PTPRD: variants seen among roughly 807,000 people sequenced by gnomAD.
PTPRD encodes the protein protein tyrosine phosphatase receptor type D.
Under a neutral mutation model 214.5 loss-of-function variants are expected in PTPRD, and 34 were observed. The ratio of observed to expected loss-of-function variants is 0.16; its 90% CI spans 0.12 to 0.21. The LOEUF (loss-of-function observed/expected upper bound fraction) is 0.21, where lower values mean the gene tolerates loss of function less well. PTPRD is among the 10% of genes least tolerant of loss of function. The probability of loss-of-function intolerance (pLI) is 1.00; values close to 1 mark genes in which losing one functional copy is unlikely to be tolerated. For synonymous variants in PTPRD, 1,128 were observed against 845.7 expected (o/e 1.33, Z -5.79); for missense variants, 2,545 against 2,398.7 (o/e 1.06, Z -1.27).
chr9:8,341,068 T>A (rs1852002200), intron 41 of PTPRD, 22 bp downstream of exon 41: 4 of 1,563,126 alleles, frequency 2.6e-6, no homozygotes, highest in Non-Finnish European at 2.6e-6. Flanking sequence ...CTTTGGATAG[T>A]CAGGGGAGCA....
At chr9:8,997,658 A>C (rs879555450) in intron 11 of PTPRD, among the ~76,000 whole-genome samples, 1 of 152,092 alleles carries the variant, frequency 6.6e-6, no homozygotes, top group South Asian at 2.1e-4. Flanking sequence ...CAAAGTGTTC[A>C]AGTGAAAGGA....
In PTPRD at chr9:9,852,311, A is replaced by T. The variant is rs774622043; in HGVS notation, c.-367-85460T>A. ...CAGAATTTTGAATAAAAAATTCTGT[A>T]GGCCAAGACATTGAAAAACAATTTT... On this transcript the variant is annotated intron_variant, in intron 5 of 45. Coordinates refer to ENST00000381196, the MANE Select transcript of PTPRD (RefSeq NM_002839.4). Among the ~76,000 whole-genome samples the T allele has an allele frequency of 4.6e-5, 7 of 152,262 alleles. No individual in the cohort carries two copies. In the South Asian group the frequency reaches 6.2e-4, roughly 14 times the overall value.
intron 30 of PTPRD, among the ~76,000 whole-genome samples, chr9:8,480,831 T>A (rs1308416882): frequency 6.6e-6 from 1 of 152,116 alleles, no homozygotes; most frequent in Non-Finnish European, 1.5e-5. Context: ...TCCATTCTCA[T>A]TTTCAGATTT....
intron 11 of PTPRD, among the ~76,000 whole-genome samples, chr9:8,741,878 C>T (rs957846729): frequency 4.6e-5 from 7 of 151,792 alleles, no homozygotes; most frequent in Admixed American, 2.0e-4. Context: ...CGTGAGCCAC[C>T]GCGCCTGACC....
At chr9:8,910,669 C>G (rs1300938730) in intron 11 of PTPRD, among the ~76,000 whole-genome samples, 3 of 152,082 alleles carry the variant, frequency 2.0e-5, no homozygotes, top group Non-Finnish European at 4.4e-5. Context: ...AATTTCATTT[C>G]TTATCAATTA....
chr9:8,462,001 T>C (rs1187275664), intron 32 of PTPRD, among the ~76,000 whole-genome samples: 2 of 152,032 alleles, frequency 1.3e-5, no homozygotes, highest in South Asian at 2.1e-4. Context: ...TTGTCCTCTC[T>C]TATCTGGCAA....
chr9:8,711,197 G>A (rs1023920837), intron 12 of PTPRD, among the ~76,000 whole-genome samples: 13 of 151,856 alleles, frequency 8.6e-5, no homozygotes, highest in African/African-American at 2.7e-4. Context: ...TATTTCATCA[G>A]CAATATAAAA....
At chr9:8,909,492 C>A (rs1433245968) in intron 11 of PTPRD, among the ~76,000 whole-genome samples, 1 of 152,010 alleles carries the variant, frequency 6.6e-6, no homozygotes, top group Non-Finnish European at 1.5e-5. Flanking sequence ...GACAAAAGGG[C>A]AAAGCCATAT....
chr9:9,104,258 G>C (rs1165943300), intron 10 of PTPRD, among the ~76,000 whole-genome samples: 1 of 152,080 alleles, frequency 6.6e-6, no homozygotes, highest in East Asian at 1.9e-4. Flanking sequence ...AACTTCGTTG[G>C]TGGGCAAAAA....
chr9:10,125,524 G>C (rs1204794760), intron 3 of PTPRD, among the ~76,000 whole-genome samples: 1 of 148,638 alleles, frequency 6.7e-6, no homozygotes, highest in South Asian at 2.1e-4. Context: ...GCGCAATCTC[G>C]GCTCACTGCA....
At chr9:10,041,840 G>A (rs1196259578) in intron 3 of PTPRD, among the ~76,000 whole-genome samples, 1 of 152,020 alleles carries the variant, frequency 6.6e-6, no homozygotes, top group Non-Finnish European at 1.5e-5. Flanking sequence ...GATCTATGCT[G>A]TATCCCATTA....
intron 11 of PTPRD, among the ~76,000 whole-genome samples, chr9:9,003,723 C>A (rs1002178974): frequency 2.0e-5 from 3 of 152,028 alleles, no homozygotes; most frequent in Admixed American, 2.0e-4. Context: ...AATCTATTCT[C>A]CTTAATGCCC....
intron 11 of PTPRD, among the ~76,000 whole-genome samples, chr9:8,919,995 GTA>G (rs550880706): frequency 6.8e-6 from 1 of 147,176 alleles, no homozygotes; most frequent in African/African-American, 2.4e-5. Flanking sequence ...ACAATCAGGA[GTA>G]TATATATATA....
At chr9:10,359,751 T>C (rs573208890) in intron 2 of PTPRD, among the ~76,000 whole-genome samples, 147 of 152,296 alleles carry the variant, frequency 9.7e-4, no homozygotes, top group Admixed American at 2.6e-3. Flanking sequence ...TTTGCATAAA[T>C]TATTCTGCTT....
At chr9:9,849,875 G>T (rs1281858913) in intron 5 of PTPRD, among the ~76,000 whole-genome samples, 1 of 152,112 alleles carries the variant, frequency 6.6e-6, no homozygotes, top group Non-Finnish European at 1.5e-5. Flanking sequence ...ACACTTTAGG[G>T]ATTAACATAG....
At chr9:9,865,244 G>A (rs183322480) in intron 5 of PTPRD, among the ~76,000 whole-genome samples, 7 of 152,112 alleles carry the variant, frequency 4.6e-5, no homozygotes, top group African/African-American at 1.4e-4. Flanking sequence ...TTGTTTAAAC[G>A]TCCCTTCCAA....
chr9:10,151,059 C>CTTTTTTTTTTT (rs138485125), intron 3 of PTPRD, among the ~76,000 whole-genome samples: 1 of 111,122 alleles, frequency 9.0e-6, no homozygotes, highest in Admixed American at 1.1e-4. Flanking sequence ...TTTTTGTTAA[C>CTTTTTTTTTTT]TTTTTTTTTT....
chr9:8,888,311 A>T (rs2098508786), intron 11 of PTPRD, among the ~76,000 whole-genome samples: 1 of 152,214 alleles, frequency 6.6e-6, no homozygotes, highest in African/African-American at 2.4e-5. Context: ...TTATAGTTTT[A>T]AAAGTGCTTT....
chr9:8,509,658 C>T (rs1472073042), intron 21 of PTPRD, among the ~76,000 whole-genome samples: 1 of 151,544 alleles, frequency 6.6e-6, no homozygotes, highest in Non-Finnish European at 1.5e-5. Context: ...CTTTTTCTTA[C>T]TTAAACTGTT....
Sources: allele counts gnomAD v4.1 joint callset (sites outside exome capture counted in the v4.1 genomes callset), GRCh38; gene constraint gnomAD v4.1.1; transcripts MANE v1.5; gene names NCBI Gene and HGNC (gene_info 2026-07-23, HGNC 2026-07-21).